Variants in WFDC8 observed in about 807,000 individuals in gnomAD.
WFDC8 encodes the protein WAP four-disulfide core domain 8.
WFDC8 carries 24 observed loss-of-function variants against 27.0 expected under a neutral mutation model. The observed-to-expected ratio is 0.89, with a 90% CI of 0.64 to 1.25. The LOEUF is 1.25. Among genes scored for constraint, WFDC8 ranks in the 50% most tolerant of loss-of-function variants. The pLI is 0.00. For missense variants in WFDC8, 287 were observed against 295.9 expected, an observed-to-expected ratio of 0.97 and a Z score of 0.22; for synonymous variants, 106 against 99.7, an observed-to-expected ratio of 1.06 and a Z score of -0.38.
Position 45,552,140 on chromosome 20 carries a change from C to A in WFDC8, c.612G>T (p.Lys204Asn), listed in dbSNP as rs1980056456. 6.2e-7 allele frequency: 1 copy of A among 1,613,924 alleles called. No homozygotes were observed. Among genetic ancestry groups the A allele is most frequent in the Admixed American group, 1.7e-5 (1 of 59,998 alleles). Residue 204 changes from lysine to asparagine, a missense_variant, in exon 6 of 6, where the codon AAG becomes AAT. Coordinates refer to ENST00000289953, the MANE Select transcript of WFDC8 (RefSeq NM_130896.3). Reference sequence around the variant, plus strand: ...TATCAATCTTGGTACATAGCAAGGGCTTGCGTGGGCAGAAACCTTTTTTGA... The same window carrying A: ...TATCAATCTTGGTACATAGCAAGGGATTGCGTGGGCAGAAACCTTTTTTGA... ...WTVKKGFCPR[K>N]PLLCTKIDKP...
At chr20:45,575,815 G>C (rs1360935701) in intron 1 of WFDC8, among the ~76,000 whole-genome samples, 1 of 151,182 alleles carries the variant, frequency 6.6e-6, no homozygotes, top group East Asian at 1.9e-4. Flanking sequence ...CGCTTGCCCA[G>C]CCCCAGGCCC....
intron 2 of WFDC8, among the ~76,000 whole-genome samples, chr20:45,560,226 C>A (rs891067453): frequency 6.6e-6 from 1 of 152,120 alleles, no homozygotes; most frequent in Non-Finnish European, 1.5e-5. Context: ...GGCCAAGTGC[C>A]AAGGAATAAG....
intron 3 of WFDC8, among the ~76,000 whole-genome samples, 162 bp downstream of exon 3, chr20:45,558,690 A>G (rs959353039): frequency 1.1e-4 from 16 of 152,224 alleles, no homozygotes; most frequent in Admixed American, 1.0e-3. Flanking sequence ...GATGGTCACC[A>G]TGCCTAGACT....
intron 2 of WFDC8, 138 bp downstream of exon 2, chr20:45,561,972 G>C (rs193168760): frequency 1.9e-5 from 13 of 699,410 alleles, no homozygotes; most frequent in Non-Finnish European, 2.9e-5. Context: ...GGCCAGGGTC[G>C]TGAGCAGGGG....
intron 1 of WFDC8, among the ~76,000 whole-genome samples, chr20:45,573,518 T>C (rs947624078): frequency 7.9e-5 from 12 of 152,316 alleles, no homozygotes; most frequent in Admixed American, 2.6e-4. Context: ...TGCATACCCA[T>C]AGGTTAACTC....
intron 1 of WFDC8, among the ~76,000 whole-genome samples, chr20:45,577,920 T>A (rs1981100826): frequency 6.7e-6 from 1 of 149,478 alleles, no homozygotes; most frequent in South Asian, 2.1e-4. Context: ...GGCAGGAGGA[T>A]CCCTTGAACC....
chr20:45,568,683 C>T, intron 1 of WFDC8: 1 of 536,038 alleles, frequency 1.9e-6, no homozygotes, highest in South Asian at 1.4e-5. Flanking sequence ...AGGTGAACCA[C>T]AAAAGTCACC....
chr20:45,570,100 T>C (rs1299681082), intron 1 of WFDC8, among the ~76,000 whole-genome samples: 1 of 152,092 alleles, frequency 6.6e-6, no homozygotes, highest in East Asian at 1.9e-4. Context: ...GCTTAATACA[T>C]GGGTGTCAAA....
intron 4 of WFDC8, among the ~76,000 whole-genome samples, chr20:45,553,799 G>C (rs1006525586): frequency 1.9e-4 from 29 of 152,002 alleles, no homozygotes; most frequent in African/African-American, 6.3e-4. Context: ...CTGCGGAGGT[G>C]GTAAGGTTTT....
Position 45,553,233 on chromosome 20 carries a change from C to T in WFDC8, c.489G>A (p.Lys163=), listed in dbSNP as rs1371824271. Residue 163 remains lysine (K), a synonymous_variant, in exon 5 of 6, where the codon AAG becomes AAA. Transcript: ENST00000289953. ...QCPLFPFTER[K]ECPPSCHSDI... is the part of the protein sequence containing the mutation. ...CACTGTGACATGAAGGTGGACACTC[C>T]TTACGTTCAGTGAAAGGGAAGAGTG... The T allele has an allele frequency of 6.2e-7, 1 of 1,613,766 alleles. No homozygotes were observed. The highest frequency in any genetic ancestry group is 1.3e-5 in the African/African-American group (1 of 74,920).
chr20:45,568,465 G>A, intron 1 of WFDC8: 1 of 303,484 alleles, frequency 3.3e-6, no homozygotes, highest in South Asian at 3.2e-5. Flanking sequence ...TTCTCCATCT[G>A]TTTCATATGG....
At chr20:45,558,696 A>G (rs9679769) in intron 3 of WFDC8, among the ~76,000 whole-genome samples, 156 bp downstream of exon 3, 58,282 of 152,062 alleles carry the variant, frequency 0.38, 11,649 homozygotes, top group Non-Finnish European at 0.43. Context: ...CACCATGCCT[A>G]GACTTATGAC....
chr20:45,553,207 T>C lies in WFDC8; in HGVS notation c.515A>G (p.Asp172Gly), dbSNP rs745564916. Residue 172 changes from aspartate to glycine, a missense_variant, in exon 5 of 6, where the codon GAC becomes GGC. Transcript: ENST00000289953. ...RKECPPSCHSDIDCPQTDKCC... is the reference protein window; with the variant it reads ...RKECPPSCHSGIDCPQTDKCC... ...TTTGTCTGTCTGGGGACAATCGATG[T>C]CACTGTGACATGAAGGTGGACACTC... is the stretch of plus-strand genomic sequence containing the variant. The C allele has an allele frequency of 2.5e-6, 4 of 1,613,848 alleles. No homozygotes were observed. The highest frequency in any genetic ancestry group is 2.5e-6 in the Non-Finnish European group (3 of 1,179,810).
rs555399750 is a variant in WFDC8 at position 45,568,455 on chromosome 20, T to G, written c.27-6236A>C. The G allele has an allele frequency of 4.0e-5, 12 of 300,334 alleles. No individual in the cohort carries two copies. In the East Asian group the frequency reaches 8.1e-4, roughly 20 times the overall value. 18.6% of individuals were successfully genotyped at this position (300,334 alleles called of 1,614,324 possible). A position where few individuals can be genotyped will look rare whatever the true frequency, so the allele number is the denominator to read the frequency against. ...GCTCTGTATTTGCTGAGTGTATGTC[T>G]TCTCCATCTGTTTCATATGGCCTTC... On this transcript the variant is annotated intron_variant, in intron 1 of 5. Coordinates refer to ENST00000289953, the MANE Select transcript of WFDC8 (RefSeq NM_130896.3).
chr20:45,558,208 C>G (rs896248174), intron 3 of WFDC8, among the ~76,000 whole-genome samples: 4 of 152,196 alleles, frequency 2.6e-5, no homozygotes, highest in African/African-American at 9.7e-5. Flanking sequence ...TCTTTAGACC[C>G]TCCCCCGAAT....
chr20:45,579,120 A>G, intron 1 of WFDC8, 102 bp downstream of exon 1: 2 of 1,182,070 alleles, frequency 1.7e-6, no homozygotes, highest in Non-Finnish European at 2.5e-6. Context: ...GCTTGGCCCA[A>G]CTCCCCACAG....
At chr20:45,563,417 C>G (rs1411525467) in intron 1 of WFDC8, among the ~76,000 whole-genome samples, 1 of 152,142 alleles carries the variant, frequency 6.6e-6, no homozygotes, top group Non-Finnish European at 1.5e-5. Context: ...AGAGTTAGAC[C>G]TGAGTTCACA....
chr20:45,570,704 A>AAT (rs1980836827), intron 1 of WFDC8, among the ~76,000 whole-genome samples: 1 of 152,216 alleles, frequency 6.6e-6, no homozygotes, highest in South Asian at 2.1e-4. Context: ...TTATGTGACC[A>AAT]GTGTATGTTT....
At chr20:45,572,604 A>G (rs540009892) in intron 1 of WFDC8, among the ~76,000 whole-genome samples, 1 of 151,688 alleles carries the variant, frequency 6.6e-6, no homozygotes, top group South Asian at 2.1e-4. Flanking sequence ...TTTATTTACT[A>G]ACTTACTTAT....
Sources: gnomAD v4.1 joint callset for allele counts (sites outside exome capture counted in the v4.1 genomes callset) on GRCh38, gnomAD v4.1.1 for gene constraint, MANE v1.5 for transcripts, NCBI Gene and HGNC (gene_info 2026-07-23, HGNC 2026-07-21) for gene names.